The following PSD3 variants were observed in gnomAD, a reference collection of about 807,000 sequenced individuals.
The protein encoded by PSD3 is pleckstrin and Sec7 domain containing 3, also known as PH and SEC7 domain-containing protein 3.
PSD3 carries 49 observed loss-of-function variants against 105.5 expected under a neutral mutation model. The observed-to-expected ratio is 0.46, with a 90% CI of 0.37 to 0.59. The LOEUF is 0.59. PSD3 is among the 20% of genes least tolerant of loss of function. The probability of loss-of-function intolerance (pLI) is 0.00; values close to 1 mark genes in which losing one functional copy is unlikely to be tolerated. For synonymous variants in PSD3, 557 were observed against 457.8 expected (o/e 1.22, Z -2.77); for missense variants, 1,561 against 1,263.8 (o/e 1.24, Z -3.57).
intron 1 of PSD3, among the ~76,000 whole-genome samples, chr8:19,006,951 C>A (rs1272365111): frequency 6.6e-6 from 1 of 151,972 alleles, no homozygotes; most frequent in Admixed American, 6.6e-5. Context: ...CTACAGCTTG[C>A]AACAAAAAGT....
chr8:18,536,392 G>A (rs1267754470), intron 15 of PSD3, among the ~76,000 whole-genome samples: 1 of 152,138 alleles, frequency 6.6e-6, no homozygotes, highest in Admixed American at 6.5e-5. Flanking sequence ...CTTGGATATG[G>A]TTGTTTACTC....
chr8:18,735,166 C>T (rs1258819363), intron 9 of PSD3, among the ~76,000 whole-genome samples: 2 of 152,144 alleles, frequency 1.3e-5, no homozygotes, highest in Admixed American at 1.3e-4. Context: ...GTTCTCTCCT[C>T]TGATCATCAG....
At chr8:19,023,393 C>CTATTTATTTATTTATT (rs141650647) in intron 1 of PSD3, among the ~76,000 whole-genome samples, 2 of 145,012 alleles carry the variant, frequency 1.4e-5, no homozygotes, top group Admixed American at 7.0e-5. Context: ...AATATAGCCA[C>CTATTTATTTATTTATT]TATTTATTTA....
intron 1 of PSD3, among the ~76,000 whole-genome samples, chr8:18,955,173 C>T (rs56401377): frequency 2.0e-5 from 3 of 152,006 alleles, no homozygotes; most frequent in South Asian, 2.1e-4. Flanking sequence ...AAGATTCCCC[C>T]GGCATCTCCT....
At chr8:18,822,946 G>A (rs1352455029) in intron 4 of PSD3, among the ~76,000 whole-genome samples, 2 of 152,126 alleles carry the variant, frequency 1.3e-5, no homozygotes, top group Non-Finnish European at 2.9e-5. Flanking sequence ...TCCAGCACAT[G>A]TGCTCACTCC....
chr8:19,005,936 A>G (rs1826656867), intron 1 of PSD3, among the ~76,000 whole-genome samples: 1 of 151,936 alleles, frequency 6.6e-6, no homozygotes, highest in South Asian at 2.1e-4. Flanking sequence ...TTGTTTAAAA[A>G]AAGGATCCCA....
At chr8:18,928,201 A>G (rs901371921) in intron 2 of PSD3, among the ~76,000 whole-genome samples, 1 of 152,210 alleles carries the variant, frequency 6.6e-6, no homozygotes, top group Non-Finnish European at 1.5e-5. Flanking sequence ...TCATGCGGGC[A>G]GTTTCCCCCA....
chr8:18,912,587 G>A (rs1820304639), intron 2 of PSD3, among the ~76,000 whole-genome samples: 1 of 152,146 alleles, frequency 6.6e-6, no homozygotes, highest in African/African-American at 2.4e-5. Context: ...TTTTGTGCCT[G>A]TTAATGTTTA....
At chr8:18,878,048 G>C (rs1817850840) in intron 2 of PSD3, among the ~76,000 whole-genome samples, 1 of 152,278 alleles carries the variant, frequency 6.6e-6, no homozygotes, top group East Asian at 1.9e-4. Context: ...AATCTATACA[G>C]TACTGGCTTC....
chr8:18,555,794 T>C (rs936117232), intron 15 of PSD3, among the ~76,000 whole-genome samples: 2 of 152,284 alleles, frequency 1.3e-5, no homozygotes, highest in Admixed American at 6.5e-5. Context: ...ACAGCAAGAA[T>C]GTGCAGGGAA....
chr8:18,815,336 T>A (rs536251385), intron 4 of PSD3, among the ~76,000 whole-genome samples: 1 of 152,044 alleles, frequency 6.6e-6, no homozygotes, highest in South Asian at 2.1e-4. Context: ...GGGGATGGAG[T>A]CTCGCTCTGT....
chr8:18,907,868 C>A (rs554426724), intron 2 of PSD3, among the ~76,000 whole-genome samples: 2 of 152,250 alleles, frequency 1.3e-5, no homozygotes, highest in African/African-American at 4.8e-5. Flanking sequence ...AAACTTTTTT[C>A]AATAAGTTGA....
chr8:18,768,340 C>T (rs1229999646), intron 8 of PSD3, among the ~76,000 whole-genome samples: 1 of 151,932 alleles, frequency 6.6e-6, no homozygotes, highest in African/African-American at 2.4e-5. Context: ...CATGGTGGCT[C>T]ATGCCTATAA....
At chr8:18,854,684 G>T (rs1381518757) in intron 4 of PSD3, among the ~76,000 whole-genome samples, 1 of 151,952 alleles carries the variant, frequency 6.6e-6, no homozygotes, top group Non-Finnish European at 1.5e-5. Context: ...CAACAAAATA[G>T]ATTTAAGTCA....
At chr8:19,054,771 T>A (rs973475201) in intron 1 of PSD3, among the ~76,000 whole-genome samples, 1 of 152,214 alleles carries the variant, frequency 6.6e-6, no homozygotes, top group Non-Finnish European at 1.5e-5. Flanking sequence ...CTTGATAACA[T>A]CTGATAGCAC....
intron 13 of PSD3, among the ~76,000 whole-genome samples, chr8:18,574,908 A>C (rs888039196): frequency 9.9e-5 from 15 of 152,146 alleles, no homozygotes; most frequent in Non-Finnish European, 1.3e-4. Context: ...GGCTGACTAA[A>C]AGTCAAAGGG....
chr8:18,625,187 TACACACACACACAC>T (rs3042894), intron 11 of PSD3, among the ~76,000 whole-genome samples: 22 of 149,370 alleles, frequency 1.5e-4, no homozygotes, highest in African/African-American at 2.7e-4. Context: ...AGGTGGGGAA[TACACACACACACAC>T]ACACACACAC....
At chr8:18,968,966 G>A (rs1047420234) in intron 1 of PSD3, among the ~76,000 whole-genome samples, 2 of 151,364 alleles carry the variant, frequency 1.3e-5, no homozygotes, top group African/African-American at 4.9e-5. Context: ...TGCAGTGGGG[G>A]ATATGAAGAC....
chr8:18,700,901 T>A (rs1278606475), intron 9 of PSD3, among the ~76,000 whole-genome samples: 1 of 152,206 alleles, frequency 6.6e-6, no homozygotes, highest in Non-Finnish European at 1.5e-5. Context: ...TATATATCTG[T>A]ACTGATGTTA....
Sources: gnomAD v4.1 joint callset for allele counts (sites outside exome capture counted in the v4.1 genomes callset) on GRCh38, gnomAD v4.1.1 for gene constraint, MANE v1.5 for transcripts, NCBI Gene and HGNC (gene_info 2026-07-23, HGNC 2026-07-21) for gene names.